Variants in MTF1 observed in about 807,000 individuals in gnomAD.
MTF1 encodes metal regulatory transcription factor 1.
MTF1 carries 22 observed loss-of-function variants against 70.4 expected under a neutral mutation model. The observed-to-expected ratio is 0.31, with a 90% confidence interval of 0.22 to 0.45. The LOEUF (loss-of-function observed/expected upper bound fraction) is 0.45. Among genes scored for constraint, MTF1 ranks in the 20% least tolerant of loss-of-function variants. MTF1 has a pLI of 1.00. For missense variants in MTF1, 649 were observed against 922.0 expected (o/e 0.70, Z 3.83); for synonymous variants, 333 against 352.8 (o/e 0.94, Z 0.63).
chr1:37,852,876 C>A (rs1641437428), intron 2 of MTF1, among the ~76,000 whole-genome samples: 1 of 152,188 alleles, frequency 6.6e-6, no homozygotes, highest in Non-Finnish European at 1.5e-5. Context: ...ACTGATCCAC[C>A]TGCCTCTGCC....
chr1:37,854,083 T>C (rs1004232847), intron 2 of MTF1, among the ~76,000 whole-genome samples: 20 of 152,290 alleles, frequency 1.3e-4, no homozygotes, highest in East Asian at 1.9e-4. Context: ...TCTTGGCTCA[T>C]TGCAACCTCC....
chr1:37,830,073 G>A (rs1185273468), intron 7 of MTF1, among the ~76,000 whole-genome samples: 1 of 152,148 alleles, frequency 6.6e-6, no homozygotes, highest in African/African-American at 2.4e-5. Context: ...GTCTTGGCCA[G>A]AGAATAGACT....
intron 2 of MTF1, among the ~76,000 whole-genome samples, chr1:37,842,226 C>T (rs1641264886): frequency 6.6e-6 from 1 of 151,876 alleles, no homozygotes; most frequent in Non-Finnish European, 1.5e-5. Context: ...TATGATCACA[C>T]CACTAGACTC....
At chr1:37,854,876 A>G (rs1329510635) in intron 2 of MTF1, among the ~76,000 whole-genome samples, 1 of 152,172 alleles carries the variant, frequency 6.6e-6, no homozygotes, top group Non-Finnish European at 1.5e-5. Context: ...CCTGACCAAC[A>G]TGGAGAAACC....
intron 9 of MTF1, among the ~76,000 whole-genome samples, chr1:37,820,669 C>T (rs1303292772): frequency 6.6e-6 from 1 of 152,184 alleles, no homozygotes; most frequent in Non-Finnish European, 1.5e-5. Context: ...AAATGTGAAA[C>T]TATTCTGGAT....
chr1:37,819,951 CAAAAAAAAAA>C (rs766621404), intron 9 of MTF1, among the ~76,000 whole-genome samples: 25 of 82,692 alleles, frequency 3.0e-4, no homozygotes, highest in South Asian at 9.3e-4. Context: ...GACTCTGACT[CAAAAAAAAAA>C]AAAAAAAAAA....
chr1:37,819,691 C>T (rs1443139586), intron 9 of MTF1, among the ~76,000 whole-genome samples: 1 of 151,960 alleles, frequency 6.6e-6, no homozygotes, highest in Non-Finnish European at 1.5e-5. Context: ...GTGGCTCATG[C>T]TTGTAATCCC....
intron 7 of MTF1, among the ~76,000 whole-genome samples, chr1:37,831,539 C>T (rs1382901900): frequency 3.3e-5 from 5 of 152,178 alleles, no homozygotes; most frequent in Non-Finnish European, 2.9e-5. Flanking sequence ...GTTAGCAATA[C>T]TATAAAACTC....
At chr1:37,826,290 T>C (rs79274948) in intron 7 of MTF1, among the ~76,000 whole-genome samples, 5,272 of 151,766 alleles carry the variant, frequency 0.035, 117 homozygotes, top group Non-Finnish European at 0.053. Context: ...ATTCTTCTTT[T>C]CCCCCCCTTT....
chr1:37,826,957 TGATGGAGCAAGA>T, intron 7 of MTF1, among the ~76,000 whole-genome samples: 1 of 152,222 alleles, frequency 6.6e-6, no homozygotes, highest in East Asian at 1.9e-4. Context: ...CCAGCCTGGG[TGATGGAGCAAGA>T]CTCCATCTCA....
At chr1:37,859,040 C>G (rs1033093515) in intron 1 of MTF1, among the ~76,000 whole-genome samples, 1 of 152,188 alleles carries the variant, frequency 6.6e-6, no homozygotes, top group Non-Finnish European at 1.5e-5. Context: ...CCGGGAGGTA[C>G]CGGCCCGACC....
intron 7 of MTF1, among the ~76,000 whole-genome samples, chr1:37,825,408 T>C (rs1396673666): frequency 2.0e-5 from 3 of 152,178 alleles, no homozygotes; most frequent in African/African-American, 4.8e-5. Flanking sequence ...GATGATTTTT[T>C]AATTTTTCTG....
In MTF1 at chr1:37,840,215, C is replaced by T. The variant is rs1469260240; in HGVS notation, c.409-57G>A. The T allele has an allele frequency of 1.3e-6, 2 of 1,494,270 alleles. No homozygotes were observed. Among genetic ancestry groups the T allele is most frequent in the South Asian group, 1.1e-5 (1 of 87,286 alleles). The allele number at this position is 1,494,270 out of a possible 1,614,324, so 92.6% of individuals were successfully genotyped here. On this transcript the variant is annotated intron_variant, in intron 2 of 10. Coordinates refer to ENST00000373036, the MANE Select transcript of MTF1 (RefSeq NM_005955.3). The surrounding 1 kb of genome is among the most constrained non-coding windows in gnomAD (Gnocchi z 4.5). Reference sequence around the variant, plus strand: ...CAAAAATGCTGCCCAGGGCTTAACTCCCCCACCCAGAGCTCAGCTCCCAAG... The same window carrying T: ...CAAAAATGCTGCCCAGGGCTTAACTTCCCCACCCAGAGCTCAGCTCCCAAG...
intron 7 of MTF1, among the ~76,000 whole-genome samples, chr1:37,824,046 C>T (rs779026022): frequency 5.1e-4 from 78 of 152,220 alleles, no homozygotes; most frequent in Non-Finnish European, 8.4e-4. Flanking sequence ...AATCTCACTA[C>T]GTTGCCCAGG....
rs760454117 is a variant in MTF1, at chr1:37,835,089, T to C, written c.980A>G (p.Asn327Ser). ...GHSYNALPQH[N>S]GSEDTNHSLC... ...AAAAACACTACACACCTCTGATCCATTGTGTTGTGGAAGTGCATTGTATGA... is the reference window on the plus strand; with the variant it reads ...AAAAACACTACACACCTCTGATCCACTGTGTTGTGGAAGTGCATTGTATGA... Residue 327 changes from asparagine (N) to serine (S), a missense_variant, in exon 6 of 11, where the codon AAT becomes AGT. This residue lies in a region of MTF1 where 267 missense variants were observed against 292.1 expected (regional missense o/e 0.91). Coordinates refer to ENST00000373036, the MANE Select transcript of MTF1 (RefSeq NM_005955.3). The C allele has an allele frequency of 7.4e-6, 12 of 1,613,982 alleles. 1 individual carries two copies. Among genetic ancestry groups the C allele is most frequent in the East Asian group, 6.7e-5 (3 of 44,896 alleles).
chr1:37,853,347 C>T (rs1641444633), intron 2 of MTF1, among the ~76,000 whole-genome samples: 1 of 152,174 alleles, frequency 6.6e-6, no homozygotes, highest in Non-Finnish European at 1.5e-5. Context: ...CTACTATGTT[C>T]TAGTCTAAGG....
intron 9 of MTF1, among the ~76,000 whole-genome samples, chr1:37,820,460 C>T (rs937193785): frequency 1.3e-5 from 2 of 152,220 alleles, no homozygotes; most frequent in African/African-American, 4.8e-5. Context: ...GAACTTCAGC[C>T]AGTCACTTAA....
intron 2 of MTF1, among the ~76,000 whole-genome samples, chr1:37,848,948 T>C (rs1276228804): frequency 6.6e-6 from 1 of 152,148 alleles, no homozygotes; most frequent in Non-Finnish European, 1.5e-5. Context: ...AGGCATGAGA[T>C]TGGAACTAGG....
At chr1:37,832,172 C>T (rs1641096688) in intron 7 of MTF1, 73 bp downstream of exon 7, 2 of 975,802 alleles carry the variant, frequency 2.0e-6, no homozygotes, top group Non-Finnish European at 3.2e-6. Flanking sequence ...TGGCCTGCCT[C>T]AATTTTCCCA....
Sources: gnomAD v4.1 joint callset for allele counts (sites outside exome capture counted in the v4.1 genomes callset) on GRCh38, gnomAD v4.1.1 for gene constraint, gnomAD v4.1.1 regional missense constraint, Gnocchi (gnomAD v3.1) non-coding constraint, MANE v1.5 for transcripts, NCBI Gene and HGNC (gene_info 2026-07-23, HGNC 2026-07-21) for gene names.